The following P4HB variants were observed in gnomAD, a reference collection of about 807,000 sequenced individuals.
The protein encoded by P4HB is protein disulfide-isomerase.
In P4HB, 20 loss-of-function variants were observed where a neutral mutation model predicts 52.6. The observed-to-expected ratio is 0.38, with a 90% CI of 0.27 to 0.55. P4HB has a LOEUF of 0.55. P4HB is among the 20% of genes least tolerant of loss of function. P4HB has a pLI of 0.74. For synonymous variants in P4HB, 296 were observed against 277.9 expected (o/e 1.07, Z -0.65); for missense variants, 601 against 669.2 (o/e 0.90, Z 1.12).
rs539390519 is a variant in P4HB at position 81,846,004 on chromosome 17, C to T, written c.1057-13G>A. The T allele has an allele frequency of 3.3e-5, 53 of 1,601,032 alleles. No individual in the cohort carries two copies. The highest frequency in any genetic ancestry group is 3.9e-5 in the Non-Finnish European group (46 of 1,172,362). On this transcript the variant is annotated splice_polypyrimidine_tract_variant and intron_variant, in intron 7 of 10. Coordinates refer to ENST00000331483, the MANE Select transcript of P4HB (RefSeq NM_000918.4). The surrounding 1 kb of genome is among the most constrained non-coding windows in gnomAD (Gnocchi z 5.7). ...TCATCAGGTGGGGCTGGAGGGCAGG[C>T]AGGGCACGGTGAGGGGCGGCGATGC...
Position 81,860,221 on chromosome 17 carries a change from G to A in P4HB, c.145+106C>T. 3 of 961,666 alleles carry A rather than the reference G, an allele frequency of 3.1e-6. No homozygotes were observed. The South Asian group carries it at 9.3e-5, about 30-fold the overall frequency. The allele number at this position is 961,666 out of a possible 1,614,324, so 59.6% of individuals were successfully genotyped here. The stretch of plus-strand genomic sequence containing the variant: ...GCAGCAAGGGAGCCCTTCAGTTCCG[G>A]GCGCGCCGGGGGTCCCGACCCCGGG... On this transcript the variant is annotated intron_variant, in intron 1 of 10. Coordinates refer to ENST00000331483, the MANE Select transcript of P4HB (RefSeq NM_000918.4).
At position 81,846,497 on chromosome 17, in the gene P4HB, C is replaced by T. The variant is rs773229493; in HGVS notation, c.988G>A (p.Glu330Lys). The change falls in exon 7 of 11, where the codon GAA becomes AAA. Residue 330 changes from glutamate (E) to lysine (K), a missense_variant. By Grantham distance (56) the Glu-to-Lys change is moderately conservative. Transcript: ENST00000331483. This position sits in a 1 kb window ranked among gnomAD's most constrained non-coding sequence, Gnocchi z 5.7. ...CTCTCTGCCGTCAGCTCCTCCGATTCGGGCTTGTACTTGGTCATCTCCTCC... is the reference window on the plus strand; with the variant it reads ...CTCTCTGCCGTCAGCTCCTCCGATTTGGGCTTGTACTTGGTCATCTCCTCC... ...LEEEMTKYKP[E>K]SEELTAERIT... 6.2e-6 allele frequency: 10 copies of T among 1,613,822 alleles called. No homozygotes were observed. The highest frequency in any genetic ancestry group is 1.7e-5 in the Admixed American group (1 of 60,000).
Position 81,845,208 on chromosome 17 carries a change from C to T in P4HB, c.1382G>A (p.Arg461His), listed in dbSNP as rs769747717. 3.1e-6 allele frequency: 5 copies of T among 1,613,602 alleles called. No homozygotes were observed. The highest frequency in any genetic ancestry group is 4.2e-6 in the Non-Finnish European group (5 of 1,179,610). ...GAATTTCTTAAAACCATCCAGCGTG[C>T]GTTCCCCGTTGTAATCAATGACCTG... ...DRTVIDYNGE[R>H]TLDGFKKFLE... The change falls in exon 10 of 11, where the codon CGC becomes CAC. Residue 461 changes from arginine (R) to histidine (H), a missense_variant. Transcript: ENST00000331483.
rs111857974 is a variant in P4HB, at chr17:81,849,921, G to A, written c.625-2574C>T. Reference sequence around the variant, plus strand: ...CGGCTCACTGCAACCTCCACCTCCCGAGTTCCAGCAATTCTCTTTCCTCAG... The same window carrying A: ...CGGCTCACTGCAACCTCCACCTCCCAAGTTCCAGCAATTCTCTTTCCTCAG... On this transcript the variant is annotated intron_variant, in intron 4 of 10. Transcript: ENST00000331483. Among the ~76,000 whole-genome samples the A allele has an allele frequency of 4.7e-3, 717 of 151,962 alleles. 6 individuals are homozygous for A. Among genetic ancestry groups the A allele is most frequent in the African/African-American group, 0.016 (658 of 41,414 alleles).
At chr17:81,849,840 T>G (rs994303031) in intron 4 of P4HB, among the ~76,000 whole-genome samples, 1 of 152,148 alleles carries the variant, frequency 6.6e-6, no homozygotes, top group African/African-American at 2.4e-5. Flanking sequence ...ATTTTTTTAT[T>G]TTTTGAGACG....
In P4HB at chr17:81,843,946, C is replaced by T. The variant is rs1179925995; in HGVS notation, c.*66G>A. ...CAAGCGAGGCCGCAGGCTTCGGAGG[C>T]GTGCGCTGCTGCTGGGTGTGCAGCC... On this transcript the variant is annotated 3_prime_UTR_variant, in exon 11 of 11. Coordinates refer to ENST00000331483, the MANE Select transcript of P4HB (RefSeq NM_000918.4). 21 of 1,179,262 alleles carry T rather than the reference C, an allele frequency of 1.8e-5. 1 individual carries two copies. Among genetic ancestry groups the T allele is most frequent in the South Asian group, 7.3e-5 (6 of 82,486 alleles). 73.0% of individuals were successfully genotyped at this position (1,179,262 alleles called of 1,614,324 possible). A position where few individuals can be genotyped will look rare whatever the true frequency, so the allele number is the denominator to read the frequency against.
chr17:81,855,447 C>G lies in P4HB; in HGVS notation c.486+6G>C. On this transcript the variant is annotated splice_donor_region_variant and intron_variant, in intron 3 of 10. Transcript: ENST00000331483. The surrounding 1 kb of genome is among the most constrained non-coding windows in gnomAD (Gnocchi z 4.3). ...GGAAGGAAGACTGGAATGCTCTGGT[C>G]TCTACCTTGAAGAAGCCGATGACAG... 1 of 1,610,162 alleles carries G rather than the reference C, an allele frequency of 6.2e-7. No homozygotes were observed. Among genetic ancestry groups the G allele is most frequent in the Non-Finnish European group, 8.5e-7 (1 of 1,177,600 alleles).
At chr17:81,844,172 T>C (rs1468612715) in intron 10 of P4HB, 80 bp from the exon 11 acceptor site, 1 of 1,000,534 alleles carries the variant, frequency 1.0e-6, no homozygotes, top group African/African-American at 1.6e-5. Flanking sequence ...CCCACACTGC[T>C]CACACCGGGG....
intron 4 of P4HB, among the ~76,000 whole-genome samples, chr17:81,850,904 A>G (rs1598267031): frequency 5.9e-5 from 9 of 151,388 alleles, no homozygotes; most frequent in African/African-American, 2.2e-4. Flanking sequence ...CTGGGATCAC[A>G]GGTGTGAGCC....
At position 81,846,469 on chromosome 17, in the gene P4HB, ATCCTCTCTGCCGTCAGCTCCTCCGAT is replaced by A. The variant is rs1944044850; in HGVS notation, c.990_1015del (p.Glu330AspfsTer40). The A allele has an allele frequency of 6.2e-7, 1 of 1,613,494 alleles. No individual in the cohort carries two copies. Among genetic ancestry groups the A allele is most frequent in the African/African-American group, 1.3e-5 (1 of 74,884 alleles). ...CAGGAAGCGGTGGCAGAACTCTGTG[ATCCTCTCTGCCGTCAGCTCCTCCGAT>A]TCGGGCTTGTACTTGGTCATCTCCT... On this transcript the variant is annotated frameshift_variant, in exon 7 of 11. Coordinates refer to ENST00000331483, the MANE Select transcript of P4HB (RefSeq NM_000918.4). LOFTEE classifies it high-confidence loss of function. This position sits in a 1 kb window ranked among gnomAD's most constrained non-coding sequence, Gnocchi z 5.7.
intron 4 of P4HB, among the ~76,000 whole-genome samples, chr17:81,854,699 G>A (rs1315889952): frequency 6.6e-6 from 1 of 151,776 alleles, no homozygotes; most frequent in African/African-American, 2.4e-5. Context: ...AAGATTAGCT[G>A]GGCATGGTAG....
At position 81,844,102 on chromosome 17, in the gene P4HB, A is replaced by G; in HGVS notation, c.1447-10T>C. On this transcript the variant is annotated splice_polypyrimidine_tract_variant and intron_variant, in intron 10 of 10. Transcript: ENST00000331483. ...CCAGGTCCTCGAGATCCTGGGATAC[A>G]GGAAAAGGGGCGGGGCGGGCAGGTT... 6.3e-7 allele frequency: 1 copy of G among 1,597,444 alleles called. No individual in the cohort carries two copies. The highest frequency in any genetic ancestry group is 8.6e-7 in the Non-Finnish European group (1 of 1,165,100).
chr17:81,849,542 C>T (rs2038795432), intron 4 of P4HB, among the ~76,000 whole-genome samples: 1 of 152,100 alleles, frequency 6.6e-6, no homozygotes, highest in Non-Finnish European at 1.5e-5. Flanking sequence ...CGATTTTTTA[C>T]ATTCTTAGTT....
In P4HB at chr17:81,843,968, A is replaced by C. The variant is rs1240889367; in HGVS notation, c.*44T>G. On this transcript the variant is annotated 3_prime_UTR_variant, in exon 11 of 11. Coordinates refer to ENST00000331483, the MANE Select transcript of P4HB (RefSeq NM_000918.4). ...AGGCGTGCGCTGCTGCTGGGTGTGC[A>C]GCCCCCGAGGGGTCTCGGCAGCGCC... is the stretch of plus-strand genomic sequence containing the variant. The C allele has an allele frequency of 7.1e-7, 1 of 1,407,188 alleles. No individual in the cohort carries two copies. The highest frequency in any genetic ancestry group is 2.3e-5 in the East Asian group (1 of 43,954). The allele number at this position is 1,407,188 out of a possible 1,614,324, so 87.2% of individuals were successfully genotyped here.
chr17:81,844,009 G>A lies in P4HB; in HGVS notation c.*3C>T, dbSNP rs370688004. 18 of 1,609,840 alleles carry A rather than the reference G, an allele frequency of 1.1e-5. No homozygotes were observed. The highest frequency in any genetic ancestry group is 6.7e-5 in the East Asian group (3 of 44,862). ...CGGCAGCGCCCGGGTCTGGCTTTGC[G>A]TATTACAGTTCATCTTTCACAGCTT... On this transcript the variant is annotated 3_prime_UTR_variant, in exon 11 of 11. Transcript: ENST00000331483.
At position 81,843,204 on chromosome 17, in the gene P4HB, A is replaced by C; in HGVS notation, c.*808T>G. Reference sequence around the variant, plus strand: ...TTATTTGGCCAATGTGTTCAATTCGATTGTGAAATAGAAATGCCTGAAGAA... The same window carrying C: ...TTATTTGGCCAATGTGTTCAATTCGCTTGTGAAATAGAAATGCCTGAAGAA... On this transcript the variant is annotated 3_prime_UTR_variant, in exon 11 of 11. Coordinates refer to ENST00000331483, the MANE Select transcript of P4HB (RefSeq NM_000918.4). 3.2e-6 allele frequency: 1 copy of C among 312,000 alleles called. No individual in the cohort carries two copies. The allele number at this position is 312,000 out of a possible 1,614,324, so 19.3% of individuals were successfully genotyped here. A position where few individuals can be genotyped will look rare whatever the true frequency, so the allele number is the denominator to read the frequency against.
In P4HB at chr17:81,855,449, C is replaced by CT. The variant is rs773779198; in HGVS notation, c.486+3dup. On this transcript the variant is annotated splice_donor_region_variant and intron_variant, in intron 3 of 10. Coordinates refer to ENST00000331483, the MANE Select transcript of P4HB (RefSeq NM_000918.4). The surrounding 1 kb of genome is among the most constrained non-coding windows in gnomAD (Gnocchi z 4.3). Reference sequence around the variant, plus strand: ...AAGGAAGACTGGAATGCTCTGGTCTCTACCTTGAAGAAGCCGATGACAGCC... The same window carrying CT: ...AAGGAAGACTGGAATGCTCTGGTCTCTTACCTTGAAGAAGCCGATGACAGCC... The CT allele has an allele frequency of 2.5e-6, 4 of 1,610,666 alleles. No homozygotes were observed. The highest frequency in any genetic ancestry group is 3.4e-6 in the Non-Finnish European group (4 of 1,177,918).
In P4HB at chr17:81,843,322, T is replaced by C. The variant is rs2038681458; in HGVS notation, c.*690A>G. ...TCTGCCTTGAACAGGCCACAGGCCG[T>C]GCTGTAGAGAGGCCAGTGGTCACAA... On this transcript the variant is annotated 3_prime_UTR_variant, in exon 11 of 11. Coordinates refer to ENST00000331483, the MANE Select transcript of P4HB (RefSeq NM_000918.4). The C allele has an allele frequency of 2.5e-6, 1 of 395,142 alleles. No individual in the cohort carries two copies. Among genetic ancestry groups the C allele is most frequent in the Non-Finnish European group, 4.5e-6 (1 of 224,504 alleles). The allele number at this position is 395,142 out of a possible 1,614,324, so 24.5% of individuals were successfully genotyped here. A position where few individuals can be genotyped will look rare whatever the true frequency, so the allele number is the denominator to read the frequency against.
intron 4 of P4HB, among the ~76,000 whole-genome samples, chr17:81,853,905 G>A (rs1013213382): frequency 3.3e-5 from 5 of 152,232 alleles, no homozygotes; most frequent in East Asian, 1.9e-4. Flanking sequence ...AGCCCCACCT[G>A]CCTGGTGACC....
Sources: allele counts gnomAD v4.1 joint callset (sites outside exome capture counted in the v4.1 genomes callset), GRCh38; gene constraint gnomAD v4.1.1; non-coding constraint Gnocchi (gnomAD v3.1); transcripts MANE v1.5; gene names NCBI Gene and HGNC (gene_info 2026-07-23, HGNC 2026-07-21).